The following EIF5B variants were observed in gnomAD, a reference collection of about 807,000 sequenced individuals.
The protein encoded by EIF5B is eIF-5B.
A neutral mutation model predicts 147.5 loss-of-function variants in EIF5B; 47 were observed. The ratio of observed to expected loss-of-function variants is 0.32; its 90% CI spans 0.25 to 0.41. The LOEUF (loss-of-function observed/expected upper bound fraction) is 0.41, where lower values mean the gene tolerates loss of function less well. Ranked by LOEUF, EIF5B falls within the 10% of genes least tolerant of loss-of-function variation. The pLI is 1.00. For synonymous variants in EIF5B, 455 were observed against 456.2 expected (o/e 1.00, Z 0.03); for missense variants, 1,064 against 1,413.2 (o/e 0.75, Z 3.96).
At chr2:99,384,521 A>G (rs545410868) in intron 14 of EIF5B, among the ~76,000 whole-genome samples, 25 of 152,380 alleles carry the variant, frequency 1.6e-4, no homozygotes, top group Non-Finnish European at 3.5e-4. Flanking sequence ...TTATACGGCT[A>G]TAGCTGCCAT....
intron 13 of EIF5B, 99 bp downstream of exon 13, chr2:99,382,325 C>T: frequency 1.1e-6 from 1 of 928,438 alleles, no homozygotes; most frequent in Non-Finnish European, 1.7e-6. Flanking sequence ...GTAATTTGAT[C>T]TCTATAACTA....
At chr2:99,398,996 A>G (rs1675132894) in intron 23 of EIF5B, 87 bp downstream of exon 23, 1 of 1,449,092 alleles carries the variant, frequency 6.9e-7, no homozygotes, top group Non-Finnish European at 9.3e-7. Flanking sequence ...CTTGGGCTTC[A>G]GTTTGATTGT....
chr2:99,391,118 G>GT (rs1674920842), intron 17 of EIF5B, among the ~76,000 whole-genome samples: 1 of 152,116 alleles, frequency 6.6e-6, no homozygotes, highest in Non-Finnish European at 1.5e-5. Flanking sequence ...AACATGTTTT[G>GT]TATGTTTTAT....
intron 22 of EIF5B, chr2:99,397,324 A>G (rs1329446945): frequency 6.5e-6 from 1 of 152,856 alleles, no homozygotes; most frequent in Non-Finnish European, 1.5e-5. Context: ...AGAAAAATTA[A>G]TAATATTTCA....
chr2:99,343,495 G>A (rs558473084), intron 1 of EIF5B, among the ~76,000 whole-genome samples: 17 of 152,038 alleles, frequency 1.1e-4, no homozygotes, highest in East Asian at 7.8e-4. Flanking sequence ...ATCCAGGGTC[G>A]TGAAGATTTA....
At chr2:99,360,171 T>A in intron 1 of EIF5B, 65 bp from the exon 2 acceptor site, 1 of 1,523,008 alleles carries the variant, frequency 6.6e-7, no homozygotes, top group Non-Finnish European at 8.8e-7. Flanking sequence ...AATGATAAAA[T>A]CTATATAAAT....
intron 1 of EIF5B, among the ~76,000 whole-genome samples, chr2:99,356,837 T>C (rs747258311): frequency 5.1e-4 from 77 of 152,206 alleles, no homozygotes; most frequent in Non-Finnish European, 8.8e-5. Flanking sequence ...CCACTATCTC[T>C]TTGTTTTAAT....
intron 9 of EIF5B, among the ~76,000 whole-genome samples, chr2:99,374,161 C>T (rs548954691): frequency 6.6e-5 from 10 of 152,040 alleles, no homozygotes; most frequent in South Asian, 2.1e-4. Context: ...TGGTGGCGTG[C>T]GCCTGTAATC....
At chr2:99,348,342 A>G (rs906935127) in intron 1 of EIF5B, among the ~76,000 whole-genome samples, 1 of 152,184 alleles carries the variant, frequency 6.6e-6, no homozygotes, top group Non-Finnish European at 1.5e-5. Flanking sequence ...TTGAGCCATA[A>G]CTTCATTAAG....
At chr2:99,352,197 TTTC>T (rs1673980028) in intron 1 of EIF5B, among the ~76,000 whole-genome samples, 2 of 152,156 alleles carry the variant, frequency 1.3e-5, no homozygotes, top group Non-Finnish European at 2.9e-5. Context: ...TGGCTTTTCT[TTTC>T]TTCATTTTTT....
rs1037167262 is a variant in EIF5B at position 99,400,194 on chromosome 2, T to C, written c.*780T>C. 2.0e-5 allele frequency: 3 copies of C among 152,108 alleles called. No homozygotes were observed. The highest frequency in any genetic ancestry group is 2.0e-4 in the Admixed American group (3 of 15,280). 9.4% of individuals were successfully genotyped at this position (152,108 alleles called of 1,614,324 possible). A position where few individuals can be genotyped will look rare whatever the true frequency, so the allele number is the denominator to read the frequency against. On this transcript the variant is annotated 3_prime_UTR_variant, in exon 24 of 24. Transcript: ENST00000289371. ...CTTGTATGCCAGCACCTGGTAACAG[T>C]AGAGATTTTTATACATTAATCTTGA...
chr2:99,386,606 T>G (rs988209871), intron 14 of EIF5B, among the ~76,000 whole-genome samples: 2 of 150,592 alleles, frequency 1.3e-5, no homozygotes, highest in Non-Finnish European at 3.0e-5. Context: ...CTTGGTTAAC[T>G]ACAACGTCCG....
chr2:99,377,767 G>A (rs79105303), intron 10 of EIF5B, among the ~76,000 whole-genome samples: 2,080 of 152,182 alleles, frequency 0.014, 42 homozygotes, highest in African/African-American at 0.048. Flanking sequence ...GGGCTTCAAG[G>A]TAGGAATTTT....
chr2:99,395,223 AG>A (rs1675017724), intron 21 of EIF5B, among the ~76,000 whole-genome samples: 1 of 152,224 alleles, frequency 6.6e-6, no homozygotes, highest in South Asian at 2.1e-4. Flanking sequence ...GGGAAATAAG[AG>A]ATTCTGTGGG....
At chr2:99,337,613 G>T (rs780630241) in intron 1 of EIF5B, 24 bp downstream of exon 1, 16 of 1,600,488 alleles carry the variant, frequency 1.0e-5, no homozygotes, top group African/African-American at 2.7e-5. Flanking sequence ...GGGTCCGTAC[G>T]GCGGCGGCCG....
intron 1 of EIF5B, among the ~76,000 whole-genome samples, chr2:99,344,245 A>G (rs1402263375): frequency 6.6e-6 from 1 of 152,112 alleles, no homozygotes; most frequent in Admixed American, 6.6e-5. Context: ...GTGGATATCT[A>G]GTTGTCCTAA....
chr2:99,383,353 C>G (rs1674731560), intron 14 of EIF5B, among the ~76,000 whole-genome samples: 1 of 152,162 alleles, frequency 6.6e-6, no homozygotes, highest in African/African-American at 2.4e-5. Context: ...CTGACTGCTC[C>G]AGCAACCAGC....
intron 6 of EIF5B, among the ~76,000 whole-genome samples, chr2:99,367,198 A>G (rs1443990426): frequency 6.6e-6 from 1 of 152,222 alleles, no homozygotes; most frequent in Non-Finnish European, 1.5e-5. Context: ...TTTCTCTGCA[A>G]AAGACACTGT....
chr2:99,352,354 C>T (rs1191203780), intron 1 of EIF5B, among the ~76,000 whole-genome samples: 1 of 152,054 alleles, frequency 6.6e-6, no homozygotes, highest in Non-Finnish European at 1.5e-5. Flanking sequence ...CGCCACCATG[C>T]CTGGCTAATT....
Sources: gnomAD v4.1 joint callset for allele counts (sites outside exome capture counted in the v4.1 genomes callset) on GRCh38, gnomAD v4.1.1 for gene constraint, MANE v1.5 for transcripts, NCBI Gene and HGNC (gene_info 2026-07-23, HGNC 2026-07-21) for gene names.